Variants in TBC1D9B observed in about 807,000 individuals in gnomAD.
TBC1D9B encodes TBC1 domain family member 9B.
In TBC1D9B, 87 loss-of-function variants were observed where a neutral mutation model predicts 121.1. That is an observed-to-expected ratio of 0.72 (90% CI 0.60 to 0.86). The LOEUF (loss-of-function observed/expected upper bound fraction) is 0.86, where lower values mean the gene tolerates loss of function less well. Among genes scored for constraint, TBC1D9B ranks in the 40% least tolerant of loss-of-function variants. The pLI, the probability that TBC1D9B is intolerant of heterozygous loss-of-function variation, is 0.00. For missense variants in TBC1D9B, 1,540 were observed against 1,628.6 expected (o/e 0.95, Z 0.94); for synonymous variants, 668 against 670.1 (o/e 1.00, Z 0.05).
In TBC1D9B at chr5:179,904,723, C is replaced by T. The variant is rs1230218701; in HGVS notation, c.208G>A (p.Val70Ile). Residue 70 changes from valine (V) to isoleucine (I), a missense_variant, in exon 2 of 21, where the codon GTC becomes ATC. By Grantham distance (29) the Val-to-Ile change is conservative (BLOSUM62 3). Transcript: ENST00000355235. The surrounding 1 kb of genome is among the most constrained non-coding windows in gnomAD (Gnocchi z 4.2). ...RILHQTQDSQ[V>I]YWTVACGSSR... ...CTACCACACGCCACTGTCCAGTAGACCTGGGAGTCCTGGGTCTGGTGCAGG... is the reference window on the plus strand; with the variant it reads ...CTACCACACGCCACTGTCCAGTAGATCTGGGAGTCCTGGGTCTGGTGCAGG... The T allele has an allele frequency of 2.5e-6, 4 of 1,573,744 alleles. No homozygotes were observed. Among genetic ancestry groups the T allele is most frequent in the African/African-American group, 1.3e-5 (1 of 74,136 alleles).
Position 179,892,246 on chromosome 5 carries a change from A to G in TBC1D9B, c.837-660T>C, listed in dbSNP as rs555392107. 3.9e-5 allele frequency among the ~76,000 whole-genome samples: 6 copies of G among 152,362 alleles called. No individual in the cohort carries two copies. The South Asian group carries it at 8.3e-4, about 21-fold the overall frequency. On this transcript the variant is annotated intron_variant, in intron 5 of 20. Transcript: ENST00000355235. ...CTCACCGGCAGTGCCAGGAGCAGTCATGTTCCATCTCTGCTCGTGTTCTTT... is the reference window on the plus strand; with the variant it reads ...CTCACCGGCAGTGCCAGGAGCAGTCGTGTTCCATCTCTGCTCGTGTTCTTT...
chr5:179,880,741 G>GA (rs891835940), intron 7 of TBC1D9B, among the ~76,000 whole-genome samples: 43 of 145,026 alleles, frequency 3.0e-4, no homozygotes, highest in East Asian at 6.0e-4. Flanking sequence ...AAGGAAAAAG[G>GA]AAAAAAAAAA....
rs991216372 is a variant in TBC1D9B, at chr5:179,885,018, T to C, written c.1254+3085A>G. ...AATAGCGTCTCCTGAATCTGACCCC[T>C]TCTTACACCTACACTGTTCCTACCC... On this transcript the variant is annotated intron_variant, in intron 7 of 20. Coordinates refer to ENST00000355235, the MANE Select transcript of TBC1D9B (RefSeq NM_015043.4). This position sits in a 1 kb window ranked among gnomAD's most constrained non-coding sequence, Gnocchi z 4.5. 2.0e-5 allele frequency among the ~76,000 whole-genome samples: 3 copies of C among 152,130 alleles called. No individual in the cohort carries two copies. Among genetic ancestry groups the C allele is most frequent in the African/African-American group, 7.2e-5 (3 of 41,412 alleles).
Position 179,893,190 on chromosome 5 carries a change from G to A in TBC1D9B, c.836+19C>T. On this transcript the variant is annotated intron_variant, in intron 5 of 20. Coordinates refer to ENST00000355235, the MANE Select transcript of TBC1D9B (RefSeq NM_015043.4). ...ACCTGGCTCACATGAGCCCACCCCA[G>A]CCCTGGAGGGCAACGCACCGCTTCA... The A allele has an allele frequency of 6.3e-7, 1 of 1,589,304 alleles. No individual in the cohort carries two copies. Among genetic ancestry groups the A allele is most frequent in the Non-Finnish European group, 8.6e-7 (1 of 1,167,118 alleles).
chr5:179,862,508 T>A lies in TBC1D9B; in HGVS notation c.*940A>T, dbSNP rs555420195. The stretch of plus-strand genomic sequence containing the variant: ...CCCACAACCCCTGCCCATGAAGACC[T>A]GTGGAGCTCAGGGCATCCCCTGATG... On this transcript the variant is annotated 3_prime_UTR_variant, in exon 21 of 21. Coordinates refer to ENST00000355235, the MANE Select transcript of TBC1D9B (RefSeq NM_015043.4). The A allele has an allele frequency of 3.3e-5, 15 of 453,076 alleles. No homozygotes were observed. Among genetic ancestry groups the A allele is most frequent in the Admixed American group, 3.3e-4 (14 of 42,550 alleles). The allele number at this position is 453,076 out of a possible 1,614,324, so 28.1% of individuals were successfully genotyped here. A position where few individuals can be genotyped will look rare whatever the true frequency, so the allele number is the denominator to read the frequency against.
rs889594762 is a variant in TBC1D9B, at chr5:179,863,340, G to C, written c.*108C>G. The C allele has an allele frequency of 1.1e-5, 14 of 1,270,470 alleles. No homozygotes were observed. The highest frequency in any genetic ancestry group is 9.0e-5 in the African/African-American group (6 of 66,790). 78.7% of individuals were successfully genotyped at this position (1,270,470 alleles called of 1,614,324 possible). On this transcript the variant is annotated 3_prime_UTR_variant, in exon 21 of 21. Transcript: ENST00000355235. The surrounding 1 kb of genome is among the most constrained non-coding windows in gnomAD (Gnocchi z 4.5). ...CTCACAACTCACTGCTCCTGGGAGA[G>C]CAGGAGGGGCACACCTTTAAAGAGA... is the stretch of plus-strand genomic sequence containing the variant.
At position 179,891,011 on chromosome 5, in the gene TBC1D9B, G is replaced by A. The variant is rs1039793820; in HGVS notation, c.1044+368C>T. On this transcript the variant is annotated intron_variant, in intron 6 of 20. Transcript: ENST00000355235. The surrounding 1 kb of genome is among the most constrained non-coding windows in gnomAD (Gnocchi z 4.3). Reference sequence around the variant, plus strand: ...GCCTCTGAGAGTGACATATGGGACCGGTGCAGGAACACGGTCCTCTAAGCG... The same window carrying A: ...GCCTCTGAGAGTGACATATGGGACCAGTGCAGGAACACGGTCCTCTAAGCG... Among the ~76,000 whole-genome samples the A allele has an allele frequency of 2.0e-5, 3 of 152,210 alleles. No individual in the cohort carries two copies. The highest frequency in any genetic ancestry group is 4.8e-5 in the African/African-American group (2 of 41,454).
rs1424735495 is a variant in TBC1D9B, at chr5:179,887,942, G to A, written c.1254+161C>T. ...AGAGGCTGTGATGTTGCTGGGCAGT[G>A]TGGGTCTGGGCTAGGGGTCTCTTGC... On this transcript the variant is annotated intron_variant, in intron 7 of 20. Coordinates refer to ENST00000355235, the MANE Select transcript of TBC1D9B (RefSeq NM_015043.4). 8 of 822,266 alleles carry A rather than the reference G, an allele frequency of 9.7e-6. No individual in the cohort carries two copies. In the East Asian group the frequency reaches 9.8e-5, roughly 10 times the overall value. 50.9% of individuals were successfully genotyped at this position (822,266 alleles called of 1,614,324 possible). A position where few individuals can be genotyped will look rare whatever the true frequency, so the allele number is the denominator to read the frequency against.
Position 179,862,391 on chromosome 5 carries a change from C to CGG in TBC1D9B, c.*1055_*1056dup, listed in dbSNP as rs1759869636. 2.8e-6 allele frequency: 1 copy of CGG among 352,432 alleles called. No homozygotes were observed. Among genetic ancestry groups the CGG allele is most frequent in the African/African-American group, 2.1e-5 (1 of 47,272 alleles). 21.8% of individuals were successfully genotyped at this position (352,432 alleles called of 1,614,324 possible). ...GTGGCTCCAGCCCTGGGGCCCCCTGCGGTCACCTTTGGCTCCACAGTCTGG... is the reference window on the plus strand; with the variant it reads ...GTGGCTCCAGCCCTGGGGCCCCCTGCGGGGTCACCTTTGGCTCCACAGTCTGG... On this transcript the variant is annotated 3_prime_UTR_variant, in exon 21 of 21. Transcript: ENST00000355235.
chr5:179,904,767 C>T lies in TBC1D9B; in HGVS notation c.164G>A (p.Arg55His), dbSNP rs761861438. 30 of 1,577,820 alleles carry T rather than the reference C, an allele frequency of 1.9e-5. No individual in the cohort carries two copies. The highest frequency in any genetic ancestry group is 1.3e-4 in the Admixed American group (7 of 54,206). The stretch of plus-strand genomic sequence containing the variant: ...GTGCAGGATGCGGTAAGGGGCCACG[C>T]GGGCACTGGAGTCCAGCACCACGTC... ...TLDVVLDSSARVAPYRILHQT... is the reference protein window; with the variant it reads ...TLDVVLDSSAHVAPYRILHQT... The change falls in exon 2 of 21, where the codon CGC becomes CAC. Residue 55 changes from arginine (R) to histidine (H), a missense_variant. Arg to His is a conservative substitution (Grantham distance 29). Coordinates refer to ENST00000355235, the MANE Select transcript of TBC1D9B (RefSeq NM_015043.4). This position sits in a 1 kb window ranked among gnomAD's most constrained non-coding sequence, Gnocchi z 4.2.
At chr5:179,872,302 A>C (rs946343058) in intron 14 of TBC1D9B, 1 of 157,184 alleles carries the variant, frequency 6.4e-6, no homozygotes, top group Non-Finnish European at 1.4e-5. Flanking sequence ...GAGGCCGAGA[A>C]CCTGCCAGCC....
At position 179,865,473 on chromosome 5, in the gene TBC1D9B, A is replaced by G; in HGVS notation, c.2915-113T>C. ...GGCATGGAGTTACCAGGGCCCTATC[A>G]TAAAACACCCTGGCGTTTGGGAAGG... is the stretch of plus-strand genomic sequence containing the variant. On this transcript the variant is annotated intron_variant, in intron 19 of 20. Coordinates refer to ENST00000355235, the MANE Select transcript of TBC1D9B (RefSeq NM_015043.4). This position sits in a 1 kb window ranked among gnomAD's most constrained non-coding sequence, Gnocchi z 5.1. 1 of 995,812 alleles carries G rather than the reference A, an allele frequency of 1.0e-6. No individual in the cohort carries two copies. The highest frequency in any genetic ancestry group is 3.0e-4 in the Middle Eastern group (1 of 3,318). The allele number at this position is 995,812 out of a possible 1,614,324, so 61.7% of individuals were successfully genotyped here. A position where few individuals can be genotyped will look rare whatever the true frequency, so the allele number is the denominator to read the frequency against.
Position 179,864,004 on chromosome 5 carries a change from T to C in TBC1D9B, c.3146A>G (p.Lys1049Arg), listed in dbSNP as rs1759930722. The C allele has an allele frequency of 1.2e-6, 2 of 1,613,704 alleles. No homozygotes were observed. Among genetic ancestry groups the C allele is most frequent in the East Asian group, 2.2e-5 (1 of 44,890 alleles). Reference protein sequence around the residue: ...SLLLRIGEVGKKFSARTGRKP... With the variant: ...SLLLRIGEVGRKFSARTGRKP... ...CCTGCCTGTGCGGGCTGAGAACTTC[T>C]TCCCCACCTCTCCGATGCGGAGCAG... The change falls in exon 21 of 21, where the codon AAG becomes AGG. Residue 1049 changes from lysine (K) to arginine (R), a missense_variant. Lys to Arg is a conservative substitution (Grantham distance 26, BLOSUM62 2). Transcript: ENST00000355235.
Position 179,863,325 on chromosome 5 carries a change from A to G in TBC1D9B, c.*123T>C, listed in dbSNP as rs995390176. The G allele has an allele frequency of 8.7e-7, 1 of 1,151,566 alleles. No individual in the cohort carries two copies. The highest frequency in any genetic ancestry group is 1.2e-6 in the Non-Finnish European group (1 of 823,036). 71.3% of individuals were successfully genotyped at this position (1,151,566 alleles called of 1,614,324 possible). A position where few individuals can be genotyped will look rare whatever the true frequency, so the allele number is the denominator to read the frequency against. ...CCAGCCTTCTTTCCACTCACAACTC[A>G]CTGCTCCTGGGAGAGCAGGAGGGGC... On this transcript the variant is annotated 3_prime_UTR_variant, in exon 21 of 21. Coordinates refer to ENST00000355235, the MANE Select transcript of TBC1D9B (RefSeq NM_015043.4). This position sits in a 1 kb window ranked among gnomAD's most constrained non-coding sequence, Gnocchi z 4.5.
chr5:179,900,879 C>T (rs1323801635), intron 2 of TBC1D9B, among the ~76,000 whole-genome samples: 3 of 152,164 alleles, frequency 2.0e-5, no homozygotes, highest in African/African-American at 7.2e-5. Context: ...TGCTGGCACG[C>T]CTGCCCCGAC....
chr5:179,891,672 GC>G lies in TBC1D9B; in HGVS notation c.837-87del. The G allele has an allele frequency of 2.7e-6, 4 of 1,473,046 alleles. No homozygotes were observed. Among genetic ancestry groups the G allele is most frequent in the Non-Finnish European group, 3.7e-6 (4 of 1,077,156 alleles). 91.2% of individuals were successfully genotyped at this position (1,473,046 alleles called of 1,614,324 possible). A position where few individuals can be genotyped will look rare whatever the true frequency, so the allele number is the denominator to read the frequency against. ...CAAGGAAGCCTTGGGGCCTCCCCAG[GC>G]CTGTTTCCACATCAGATTCAGGATC... On this transcript the variant is annotated intron_variant, in intron 5 of 20. Transcript: ENST00000355235. This position sits in a 1 kb window ranked among gnomAD's most constrained non-coding sequence, Gnocchi z 4.3.
At chr5:179,873,291 G>C (rs758606240) in intron 12 of TBC1D9B, 43 bp from the exon 13 acceptor site, 5 of 1,522,364 alleles carry the variant, frequency 3.3e-6, no homozygotes, top group Non-Finnish European at 4.4e-6. Flanking sequence ...CGCCCAGGCA[G>C]AGGGAGCCTC....
intron 15 of TBC1D9B, chr5:179,870,834 G>A (rs1293800195): frequency 1.0e-5 from 3 of 291,400 alleles, no homozygotes; most frequent in Non-Finnish European, 1.9e-5. Flanking sequence ...ACCTCTCTAG[G>A]AGGCAGGCAG....
In TBC1D9B at chr5:179,874,120, G is replaced by C. The variant is rs966149892; in HGVS notation, c.2186+782C>G. Among the ~76,000 whole-genome samples, 2 of 152,306 alleles carry C rather than the reference G, an allele frequency of 1.3e-5. No individual in the cohort carries two copies. Among genetic ancestry groups the C allele is most frequent in the African/African-American group, 4.8e-5 (2 of 41,554 alleles). ...CAGTCCGGACAAATACGCTATGTAG[G>C]AGGGTGGGACTGCACAGAGCTCAGG... On this transcript the variant is annotated intron_variant, in intron 12 of 20. Coordinates refer to ENST00000355235, the MANE Select transcript of TBC1D9B (RefSeq NM_015043.4). This position sits in a 1 kb window ranked among gnomAD's most constrained non-coding sequence, Gnocchi z 4.3.
Sources: allele counts gnomAD v4.1 joint callset (sites outside exome capture counted in the v4.1 genomes callset), GRCh38; gene constraint gnomAD v4.1.1; non-coding constraint Gnocchi (gnomAD v3.1); transcripts MANE v1.5; gene names NCBI Gene and HGNC (gene_info 2026-07-23, HGNC 2026-07-21).